Variants in PPARGC1A observed in about 807,000 individuals in gnomAD.
The protein encoded by PPARGC1A is PPARG coactivator 1 alpha, also known as peroxisome proliferator-activated receptor gamma coactivator 1-alpha.
A neutral mutation model predicts 88.7 loss-of-function variants in PPARGC1A; 25 were observed. That is an observed-to-expected ratio of 0.28 (90% CI 0.21 to 0.39). The LOEUF (loss-of-function observed/expected upper bound fraction) is 0.39, where lower values mean the gene tolerates loss of function less well. Among genes scored for constraint, PPARGC1A ranks in the 10% least tolerant of loss-of-function variants. PPARGC1A has a pLI of 1.00. For synonymous variants in PPARGC1A, 363 were observed against 355.6 expected, an observed-to-expected ratio of 1.02 and a Z score of -0.24; for missense variants, 880 against 968.7, an observed-to-expected ratio of 0.91 and a Z score of 1.22.
the PPARGC1A span, among the ~76,000 whole-genome samples, chr4:24,256,570 AT>A: frequency 6.6e-6 from 1 of 152,124 alleles, no homozygotes; most frequent in Admixed American, 6.6e-5. Context: ...TTTAGTACAA[AT>A]TTTTTTCACT....
chr4:24,226,165 A>G, the PPARGC1A span, among the ~76,000 whole-genome samples: 1 of 152,142 alleles, frequency 6.6e-6, no homozygotes, highest in Admixed American at 6.5e-5. Flanking sequence ...TACCAGTGAC[A>G]TGATGATTTC....
At chr4:23,923,057 C>A in the PPARGC1A span, among the ~76,000 whole-genome samples, 10 of 151,108 alleles carry the variant, frequency 6.6e-5, no homozygotes, top group African/African-American at 1.7e-4. Context: ...TGCTGTACAA[C>A]CCCAGGTTGT....
the PPARGC1A span, among the ~76,000 whole-genome samples, chr4:24,412,824 T>A: frequency 6.6e-6 from 1 of 152,208 alleles, no homozygotes; most frequent in Non-Finnish European, 1.5e-5. Flanking sequence ...CATTTACCCA[T>A]TATCTATGGC....
At chr4:23,989,115 T>C in the PPARGC1A span, among the ~76,000 whole-genome samples, 1 of 151,718 alleles carries the variant, frequency 6.6e-6, no homozygotes, top group Non-Finnish European at 1.5e-5. Flanking sequence ...AAAGGTTGCC[T>C]GCAAGTATAT....
At chr4:24,447,428 T>G in the PPARGC1A span, among the ~76,000 whole-genome samples, 7,654 of 152,148 alleles carry the variant, frequency 0.05, 432 homozygotes, top group African/African-American at 0.13. Context: ...GAAAAAGTGA[T>G]GATGTGGAAA....
chr4:24,340,970 C>A, the PPARGC1A span, among the ~76,000 whole-genome samples: 18 of 152,220 alleles, frequency 1.2e-4, no homozygotes, highest in African/African-American at 4.1e-4. Flanking sequence ...ATATTGATGG[C>A]ACAGGCAATC....
chr4:24,451,872 G>A, the PPARGC1A span, among the ~76,000 whole-genome samples: 306 of 152,278 alleles, frequency 2.0e-3, 3 homozygotes, highest in East Asian at 0.036. Flanking sequence ...CACTGTGCCC[G>A]GCTGTGATGG....
the PPARGC1A span, among the ~76,000 whole-genome samples, chr4:24,186,742 A>G: frequency 6.6e-6 from 1 of 151,842 alleles, no homozygotes; most frequent in African/African-American, 2.4e-5. Context: ...GGCTCTTTCA[A>G]CCCATTCAGT....
At chr4:23,845,849 C>G (rs1290007351) in intron 2 of PPARGC1A, among the ~76,000 whole-genome samples, 1 of 152,126 alleles carries the variant, frequency 6.6e-6, no homozygotes, top group Non-Finnish European at 1.5e-5. Flanking sequence ...TTGCAATCTC[C>G]TAGGATTTAG....
At chr4:23,965,892 T>A in the PPARGC1A span, among the ~76,000 whole-genome samples, 2 of 152,322 alleles carry the variant, frequency 1.3e-5, no homozygotes, top group East Asian at 3.9e-4. Flanking sequence ...TCGCTTTTTA[T>A]CTTGTCATGC....
At chr4:23,910,361 ATATAT>A in the PPARGC1A span, among the ~76,000 whole-genome samples, 24 of 102,630 alleles carry the variant, frequency 2.3e-4, no homozygotes, top group Admixed American at 3.1e-4. Flanking sequence ...TATATATTAT[ATATAT>A]TATATTATAT....
At chr4:23,911,981 C>T in the PPARGC1A span, among the ~76,000 whole-genome samples, 2 of 152,122 alleles carry the variant, frequency 1.3e-5, no homozygotes, top group African/African-American at 4.8e-5. Context: ...CCAAACATAA[C>T]CAACTTCAAA....
chr4:24,446,997 T>C, the PPARGC1A span, among the ~76,000 whole-genome samples: 37,247 of 152,012 alleles, frequency 0.25, 5,127 homozygotes, highest in Non-Finnish European at 0.3. Context: ...CTAGAGAAGG[T>C]CCTCAGCCTC....
At chr4:24,331,915 C>G in the PPARGC1A span, among the ~76,000 whole-genome samples, 1 of 152,138 alleles carries the variant, frequency 6.6e-6, no homozygotes, top group East Asian at 1.9e-4. Flanking sequence ...GGTATTTGTC[C>G]TAATGCTCTC....
chr4:24,021,800 A>G, the PPARGC1A span, among the ~76,000 whole-genome samples: 3 of 152,204 alleles, frequency 2.0e-5, no homozygotes, highest in South Asian at 6.2e-4. Context: ...AGTAAGCATC[A>G]GATGTGTTCA....
chr4:24,222,337 T>G, the PPARGC1A span, among the ~76,000 whole-genome samples: 1 of 152,212 alleles, frequency 6.6e-6, no homozygotes, highest in African/African-American at 2.4e-5. Flanking sequence ...ATGCATCTCT[T>G]GATATCCCAA....
chr4:24,018,038 G>C, the PPARGC1A span, among the ~76,000 whole-genome samples: 3 of 151,942 alleles, frequency 2.0e-5, no homozygotes, highest in Non-Finnish European at 2.9e-5. Context: ...GAACTCTAAG[G>C]GTCAAGTTAT....
At chr4:24,394,933 G>A in the PPARGC1A span, among the ~76,000 whole-genome samples, 1 of 152,114 alleles carries the variant, frequency 6.6e-6, no homozygotes, top group Non-Finnish European at 1.5e-5. Flanking sequence ...GGAGTTAATT[G>A]GTTTTCAAAA....
At chr4:24,095,115 C>CTTTTT in the PPARGC1A span, among the ~76,000 whole-genome samples, 1 of 122,408 alleles carries the variant, frequency 8.2e-6, no homozygotes, top group Non-Finnish European at 1.6e-5. Flanking sequence ...GAAATAGGGT[C>CTTTTT]TTTTTTTTTT....
Sources: allele counts gnomAD v4.1 joint callset (sites outside exome capture counted in the v4.1 genomes callset), GRCh38; gene constraint gnomAD v4.1.1; transcripts MANE v1.5; gene names NCBI Gene and HGNC (gene_info 2026-07-23, HGNC 2026-07-21).